ZNF827: variants seen among roughly 807,000 people sequenced by gnomAD.
ZNF827 encodes zinc finger protein 827.
A neutral mutation model predicts 102.4 loss-of-function variants in ZNF827; 13 were observed. The ratio of observed to expected loss-of-function variants is 0.13; its 90% CI spans 0.08 to 0.20. The LOEUF is 0.20. ZNF827 is among the 10% of genes least tolerant of loss of function. The pLI, the probability that ZNF827 is intolerant of heterozygous loss-of-function variation, is 1.00. For synonymous variants in ZNF827, 523 were observed against 536.2 expected, an observed-to-expected ratio of 0.98 and a Z score of 0.34; for missense variants, 1,103 against 1,344.4, an observed-to-expected ratio of 0.82 and a Z score of 2.81.
chr4:145,891,602 TTGG>T (rs1264264895), intron 3 of ZNF827, among the ~76,000 whole-genome samples: 2 of 152,216 alleles, frequency 1.3e-5, no homozygotes, highest in East Asian at 1.9e-4. Context: ...AATTATGTCC[TTGG>T]ATGTTTGGTA....
Position 145,880,077 on chromosome 4 carries a change from A to G in ZNF827, c.1747+5601T>C, listed in dbSNP as rs138020204. On this transcript the variant is annotated intron_variant, in intron 4 of 14. Transcript: ENST00000508784. ...CGGTGAAACCCCATCTCTACCAAAA[A>G]TATAAAAATTAGCTGGTCATGGTGG... Among the ~76,000 whole-genome samples the G allele has an allele frequency of 7.9e-5, 12 of 152,302 alleles. No individual in the cohort carries two copies. The East Asian group carries it at 2.1e-3, about 27-fold the overall frequency.
At position 145,871,883 on chromosome 4, in the gene ZNF827, C is replaced by A. The variant is rs1309558018; in HGVS notation, c.1748-1405G>T. ...TGGAAGTTTCACTACCAGAAAGATG[C>A]AGAGCTGGGACCAGAACCTAAGTCC... On this transcript the variant is annotated intron_variant, in intron 4 of 14. Coordinates refer to ENST00000508784, the MANE Select transcript of ZNF827 (RefSeq NM_001306215.2). Among the ~76,000 whole-genome samples, 3 of 152,182 alleles carry A rather than the reference C, an allele frequency of 2.0e-5. No individual in the cohort carries two copies. The South Asian group carries it at 6.2e-4, about 32-fold the overall frequency.
chr4:145,844,437 T>C (rs1469811409), intron 7 of ZNF827, among the ~76,000 whole-genome samples: 3 of 150,308 alleles, frequency 2.0e-5, no homozygotes, highest in Admixed American at 1.3e-4. Context: ...CCCAGCACTT[T>C]GGAAGGCCGA....
chr4:145,914,833 G>A (rs1260715398), intron 1 of ZNF827, among the ~76,000 whole-genome samples: 1 of 152,146 alleles, frequency 6.6e-6, no homozygotes, highest in Non-Finnish European at 1.5e-5. Flanking sequence ...TTTTCACTAA[G>A]AGGGCTTTTC....
chr4:145,773,715 C>T lies in ZNF827; in HGVS notation c.2860+791G>A, dbSNP rs546097373. Among the ~76,000 whole-genome samples, 12 of 152,310 alleles carry T rather than the reference C, an allele frequency of 7.9e-5. 1 individual carries two copies. In the South Asian group the frequency reaches 2.1e-3, roughly 26 times the overall value. On this transcript the variant is annotated intron_variant, in intron 11 of 14. Transcript: ENST00000508784. ...GCAAGAAGCTTAAATAACAGGCGAGCACTGGTGAAGCCTTGGCCATGGCCT... is the reference window on the plus strand; with the variant it reads ...GCAAGAAGCTTAAATAACAGGCGAGTACTGGTGAAGCCTTGGCCATGGCCT...
intron 8 of ZNF827, among the ~76,000 whole-genome samples, chr4:145,816,163 T>A (rs1742576949): frequency 6.6e-6 from 1 of 152,200 alleles, no homozygotes; most frequent in Non-Finnish European, 1.5e-5. Context: ...GGCCACCACA[T>A]TTGACTTGGA....
At chr4:145,919,073 T>G in intron 1 of ZNF827, among the ~76,000 whole-genome samples, 1 of 151,958 alleles carries the variant, frequency 6.6e-6, no homozygotes, top group African/African-American at 2.4e-5. Flanking sequence ...CTGGGCAACA[T>G]AGCAAGACTC....
intron 8 of ZNF827, among the ~76,000 whole-genome samples, chr4:145,797,393 T>C (rs1740486890): frequency 6.6e-6 from 1 of 152,222 alleles, no homozygotes; most frequent in African/African-American, 2.4e-5. Context: ...ACACTCCCTC[T>C]ACTGCTCTTC....
At chr4:145,843,086 T>C (rs1439442493) in intron 7 of ZNF827, among the ~76,000 whole-genome samples, 3 of 152,144 alleles carry the variant, frequency 2.0e-5, no homozygotes, top group Non-Finnish European at 4.4e-5. Flanking sequence ...TTTCTGTTCC[T>C]GATATCAGTT....
At chr4:145,856,723 A>C (rs917772617) in intron 5 of ZNF827, among the ~76,000 whole-genome samples, 31 of 114,020 alleles carry the variant, frequency 2.7e-4, no homozygotes, top group African/African-American at 9.7e-5. Context: ...ACACACACAC[A>C]CCCCATTTCA....
intron 7 of ZNF827, among the ~76,000 whole-genome samples, chr4:145,845,610 C>T (rs1034682787): frequency 6.6e-6 from 1 of 152,154 alleles, no homozygotes; most frequent in Admixed American, 6.5e-5. Flanking sequence ...AGCCCCCAGT[C>T]CCAGCTGAGC....
At chr4:145,927,314 T>C (rs1406348896) in intron 1 of ZNF827, among the ~76,000 whole-genome samples, 1 of 152,230 alleles carries the variant, frequency 6.6e-6, no homozygotes, top group African/African-American at 2.4e-5. Flanking sequence ...GCTTAGTCCC[T>C]GCTCTCAAGG....
chr4:145,888,965 G>C (rs1208248073), intron 3 of ZNF827, among the ~76,000 whole-genome samples: 1 of 152,186 alleles, frequency 6.6e-6, no homozygotes, highest in Non-Finnish European at 1.5e-5. Flanking sequence ...GATAGAGTAA[G>C]TACTATAATA....
intron 8 of ZNF827, among the ~76,000 whole-genome samples, chr4:145,811,365 C>T (rs969425529): frequency 1.3e-5 from 2 of 152,096 alleles, no homozygotes; most frequent in Non-Finnish European, 2.9e-5. Flanking sequence ...CACCATGGCT[C>T]ACAGTAGACA....
chr4:145,907,263 G>T (rs1438637058), intron 1 of ZNF827: 1 of 454,248 alleles, frequency 2.2e-6, no homozygotes, highest in Non-Finnish European at 4.4e-6. Flanking sequence ...CATAATGGAG[G>T]AGTTCTTGAA....
intron 3 of ZNF827, among the ~76,000 whole-genome samples, chr4:145,889,053 T>C (rs545382867): frequency 1.3e-5 from 2 of 152,150 alleles, no homozygotes; most frequent in Non-Finnish European, 2.9e-5. Context: ...TATACCAATA[T>C]AGAAGAATAT....
intron 1 of ZNF827, among the ~76,000 whole-genome samples, chr4:145,904,896 G>A (rs919575958): frequency 6.6e-5 from 10 of 152,198 alleles, no homozygotes; most frequent in African/African-American, 2.4e-4. Context: ...CATTGTTCTG[G>A]CTGCTGTGTG....
At chr4:145,823,393 T>C (rs1430673696) in intron 8 of ZNF827, 29 bp downstream of exon 8, 2 of 1,571,164 alleles carry the variant, frequency 1.3e-6, no homozygotes, top group South Asian at 2.2e-5. Context: ...CAATCAACAG[T>C]AGAAGCAAAG....
chr4:145,872,577 A>G (rs1335779991), intron 4 of ZNF827, among the ~76,000 whole-genome samples: 4 of 152,170 alleles, frequency 2.6e-5, no homozygotes, highest in Admixed American at 6.5e-5. Flanking sequence ...TTTAAAATTT[A>G]TTATGTTAAC....
Sources: gnomAD v4.1 joint callset for allele counts (sites outside exome capture counted in the v4.1 genomes callset) on GRCh38, gnomAD v4.1.1 for gene constraint, MANE v1.5 for transcripts, NCBI Gene and HGNC (gene_info 2026-07-23, HGNC 2026-07-21) for gene names.